GNA13: variants seen among roughly 807,000 people sequenced by gnomAD.
The protein encoded by GNA13 is G protein subunit alpha 13, also known as guanine nucleotide-binding protein subunit alpha-13.
Under a neutral mutation model 33.5 loss-of-function variants are expected in GNA13, and 4 were observed. The observed-to-expected ratio is 0.12, with a 90% confidence interval of 0.06 to 0.27. The LOEUF (loss-of-function observed/expected upper bound fraction) is 0.27, where lower values mean the gene tolerates loss of function less well. Among genes scored for constraint, GNA13 ranks in the 10% least tolerant of loss-of-function variants. The pLI, the probability that GNA13 is intolerant of heterozygous loss-of-function variation, is 1.00. For missense variants in GNA13, 319 were observed against 487.2 expected, an observed-to-expected ratio of 0.65 and a Z score of 3.25; for synonymous variants, 176 against 183.8, an observed-to-expected ratio of 0.96 and a Z score of 0.34.
intron 3 of GNA13, among the ~76,000 whole-genome samples, chr17:65,015,713 AT>A (rs1348363902): frequency 1.3e-5 from 2 of 151,332 alleles, no homozygotes; most frequent in African/African-American, 4.9e-5. Flanking sequence ...TCCAGTGCCA[AT>A]TCACAAGGAT....
chr17:65,031,896 A>G (rs11079548), intron 2 of GNA13, among the ~76,000 whole-genome samples: 52,560 of 72,186 alleles, frequency 0.73, 21,843 homozygotes, highest in East Asian at 0.93. Flanking sequence ...GAGAGAGAGA[A>G]AGAGAGAGAG....
chr17:65,025,381 T>G (rs1906740207), intron 2 of GNA13, among the ~76,000 whole-genome samples: 1 of 152,162 alleles, frequency 6.6e-6, no homozygotes, highest in Admixed American at 6.5e-5. Context: ...TGTACTACAG[T>G]TCTAGCTGCC....
At position 65,014,598 on chromosome 17, in the gene GNA13, G is replaced by A; in HGVS notation, c.793C>T (p.Leu265Phe). The change falls in exon 4 of 4, where the codon CTT becomes TTT. Residue 265 changes from leucine to phenylalanine, a missense_variant. Transcript: ENST00000439174. The surrounding 1 kb of genome is among the most constrained non-coding windows in gnomAD (Gnocchi z 5.3). Reference protein sequence around the residue: ...VLMEDRLTNRLTESLNIFETI... With the variant: ...VLMEDRLTNRFTESLNIFETI... ...TCAAAAATGTTCAGAGACTCTGTAA[G>A]GCGATTGGTCAGTCGATCTTCCATA... 1 of 1,614,064 alleles carries A rather than the reference G, an allele frequency of 6.2e-7. No homozygotes were observed. Among genetic ancestry groups the A allele is most frequent in the Non-Finnish European group, 8.5e-7 (1 of 1,179,902 alleles).
chr17:65,009,559 TA>T lies in GNA13; in HGVS notation c.*4697del, dbSNP rs533155162. On this transcript the variant is annotated 3_prime_UTR_variant, in exon 4 of 4. Transcript: ENST00000439174. Reference sequence around the variant, plus strand: ...CTGGAAAGTTATAAAAAGATATATGTAAAAAAAAAATCCTAAGCCACAAATA... The same window carrying T: ...CTGGAAAGTTATAAAAAGATATATGTAAAAAAAAATCCTAAGCCACAAATA... 9.3e-5 allele frequency among the ~76,000 whole-genome samples: 14 copies of T among 150,066 alleles called. No homozygotes were observed. Among genetic ancestry groups the T allele is most frequent in the Admixed American group, 5.3e-4 (8 of 15,080 alleles).
At chr17:65,053,799 G>T (rs1907942542) in intron 1 of GNA13, 71 bp from the exon 2 acceptor site, 3 of 971,444 alleles carry the variant, frequency 3.1e-6, no homozygotes, top group Non-Finnish European at 4.8e-6. Context: ...TTTTATTCCA[G>T]TATTATTTCC....
intron 2 of GNA13, among the ~76,000 whole-genome samples, chr17:65,030,189 G>A (rs1310738820): frequency 6.6e-6 from 1 of 152,168 alleles, no homozygotes; most frequent in Non-Finnish European, 1.5e-5. Flanking sequence ...AATTTGGAAG[G>A]AGCAAAGATG....
chr17:65,047,742 C>T (rs149997804), intron 2 of GNA13, among the ~76,000 whole-genome samples: 1,796 of 151,868 alleles, frequency 0.012, 10 homozygotes, highest in Non-Finnish European at 0.018. Flanking sequence ...AAGCAATCCT[C>T]CTGTCTCCCC....
Position 65,056,696 on chromosome 17 carries a change from G to C in GNA13, c.-103C>G, listed in dbSNP as rs1462680864. 1.2e-6 allele frequency: 1 copy of C among 838,080 alleles called. No homozygotes were observed. Among genetic ancestry groups the C allele is most frequent in the East Asian group, 3.5e-5 (1 of 28,458 alleles). The allele number at this position is 838,080 out of a possible 1,614,324, so 51.9% of individuals were successfully genotyped here. On this transcript the variant is annotated 5_prime_UTR_variant, in exon 1 of 4. Transcript: ENST00000439174. ...ACCGAGGCTCGAGGGCGGGGAGCGC[G>C]GCGGCGGCCCGAGCGCGCCCAGGGA...
chr17:65,041,500 TA>T (rs574086653), intron 2 of GNA13, among the ~76,000 whole-genome samples: 121 of 147,782 alleles, frequency 8.2e-4, no homozygotes, highest in African/African-American at 2.0e-3. Context: ...ACATGGAATC[TA>T]AAAAAAAAAA....
rs1906231287 is a variant in GNA13, at chr17:65,012,530, A to G, written c.*1727T>C. The G allele has an allele frequency of 4.6e-6, 1 of 218,814 alleles. No homozygotes were observed. Among genetic ancestry groups the G allele is most frequent in the Non-Finnish European group, 9.2e-6 (1 of 108,938 alleles). The allele number at this position is 218,814 out of a possible 1,614,324, so 13.6% of individuals were successfully genotyped here. ...GTGCCGGGCTACGTATGTGTAGCTCATGGATTACCATGGCATGAAAATGCT... is the reference window on the plus strand; with the variant it reads ...GTGCCGGGCTACGTATGTGTAGCTCGTGGATTACCATGGCATGAAAATGCT... On this transcript the variant is annotated 3_prime_UTR_variant, in exon 4 of 4. Transcript: ENST00000439174.
chr17:65,023,113 T>C (rs1239158775), intron 2 of GNA13, among the ~76,000 whole-genome samples: 2 of 152,198 alleles, frequency 1.3e-5, no homozygotes, highest in Non-Finnish European at 2.9e-5. Context: ...GAGAAAACAC[T>C]AAATGAGTAC....
chr17:65,016,691 G>C (rs1045802568), intron 3 of GNA13, among the ~76,000 whole-genome samples: 49 of 152,304 alleles, frequency 3.2e-4, no homozygotes, highest in African/African-American at 1.1e-3. Flanking sequence ...AAGTAGGTGG[G>C]TTCTTAGTTA....
In GNA13 at chr17:65,009,681, A is replaced by C. The variant is rs762965137; in HGVS notation, c.*4576T>G. Among the ~76,000 whole-genome samples, 6 of 152,204 alleles carry C rather than the reference A, an allele frequency of 3.9e-5. No individual in the cohort carries two copies. The highest frequency in any genetic ancestry group is 7.4e-5 in the Non-Finnish European group (5 of 68,024). On this transcript the variant is annotated 3_prime_UTR_variant, in exon 4 of 4. Transcript: ENST00000439174. ...TTTATAAGGCTTCTTGTGGTAAATGAGCTCTCACCAGAGTAGAGTAGTTTA... is the reference window on the plus strand; with the variant it reads ...TTTATAAGGCTTCTTGTGGTAAATGCGCTCTCACCAGAGTAGAGTAGTTTA...
chr17:65,021,277 T>C (rs1362337463), intron 2 of GNA13, among the ~76,000 whole-genome samples: 1 of 152,232 alleles, frequency 6.6e-6, no homozygotes, highest in East Asian at 1.9e-4. Context: ...CTTTGAGTAT[T>C]AGAAGTCTAT....
intron 2 of GNA13, among the ~76,000 whole-genome samples, chr17:65,031,921 A>AGAGTGAGTGTGTGTGTGT (rs770161529): frequency 1.1e-5 from 1 of 91,624 alleles, no homozygotes; most frequent in African/African-American, 4.9e-5. Flanking sequence ...AGAGAGAGAG[A>AGAGTGAGTGTGTGTGTGT]GTGTGTGTGT....
Position 65,011,355 on chromosome 17 carries a change from A to G in GNA13, c.*2902T>C, listed in dbSNP as rs1906182303. 2 of 196,626 alleles carry G rather than the reference A, an allele frequency of 1.0e-5. No homozygotes were observed. The highest frequency in any genetic ancestry group is 2.1e-5 in the Non-Finnish European group (2 of 94,822). 12.2% of individuals were successfully genotyped at this position (196,626 alleles called of 1,614,324 possible). On this transcript the variant is annotated 3_prime_UTR_variant, in exon 4 of 4. Transcript: ENST00000439174. ...AAAAGTGAATGAGTTTTTTCATTCC[A>G]TATTGCTTTCTTTGGTTGCAGAGCA...
chr17:65,028,432 A>C (rs1598485983), intron 2 of GNA13, among the ~76,000 whole-genome samples: 2 of 148,068 alleles, frequency 1.4e-5, no homozygotes, highest in East Asian at 2.0e-4. Flanking sequence ...AAAAAATACC[A>C]CCTACCATAT....
Position 65,014,319 on chromosome 17 carries a change from C to T in GNA13, c.1072G>A (p.Val358Ile). ...TAINTENIRLVFRDVKDTILH... is the reference protein window; with the variant it reads ...TAINTENIRLIFRDVKDTILH... ...ATAGTATCCTTCACGTCACGGAAAA[C>T]AAGGCGGATGTTCTCCGTGTTGATA... Residue 358 changes from valine (V) to isoleucine (I), a missense_variant, in exon 4 of 4, where the codon GTT (valine) becomes ATT (isoleucine). This residue lies in a region of GNA13 where 134 missense variants were observed against 241.3 expected (regional missense o/e 0.56). Coordinates refer to ENST00000439174, the MANE Select transcript of GNA13 (RefSeq NM_006572.6). The surrounding 1 kb of genome is among the most constrained non-coding windows in gnomAD (Gnocchi z 5.3). 6.2e-7 allele frequency: 1 copy of T among 1,613,952 alleles called. No individual in the cohort carries two copies. Among genetic ancestry groups the T allele is most frequent in the Non-Finnish European group, 8.5e-7 (1 of 1,179,852 alleles).
intron 2 of GNA13, among the ~76,000 whole-genome samples, 157 bp from the exon 3 acceptor site, chr17:65,018,460 C>T (rs1018758828): frequency 2.6e-5 from 4 of 152,186 alleles, no homozygotes; most frequent in African/African-American, 7.2e-5. Flanking sequence ...ACATATAAAA[C>T]GTCTGCTCTG....
Sources: allele counts gnomAD v4.1 joint callset (sites outside exome capture counted in the v4.1 genomes callset), GRCh38; gene constraint gnomAD v4.1.1; regional missense constraint gnomAD v4.1.1; non-coding constraint Gnocchi (gnomAD v3.1); transcripts MANE v1.5; gene names NCBI Gene and HGNC (gene_info 2026-07-23, HGNC 2026-07-21).